Variants in MRPL1 observed in about 807,000 individuals in gnomAD.
The protein encoded by MRPL1 is mitochondrial ribosomal protein L1, also known as large ribosomal subunit protein uL1m.
In MRPL1, 28 loss-of-function variants were observed where a neutral mutation model predicts 38.0. That is an observed-to-expected ratio of 0.74 (90% CI 0.55 to 1.01). The LOEUF (loss-of-function observed/expected upper bound fraction) is 1.01. MRPL1 is among the 50% of genes least tolerant of loss of function. The pLI, the probability that MRPL1 is intolerant of heterozygous loss-of-function variation, is 0.00. For synonymous variants in MRPL1, 123 were observed against 126.7 expected (o/e 0.97, Z 0.20); for missense variants, 358 against 389.8 (o/e 0.92, Z 0.69).
chr4:77,869,931 G>A lies in MRPL1; in HGVS notation c.32-1813G>A, dbSNP rs568202251. ...AGACAGGGTTCCTGTCACCCAGTCT[G>A]GAGTGGAATAGTGAGATCAGAACTC... On this transcript the variant is annotated intron_variant, in intron 1 of 8. Coordinates refer to ENST00000315567, the MANE Select transcript of MRPL1 (RefSeq NM_020236.4). 1.8e-4 allele frequency among the ~76,000 whole-genome samples: 27 copies of A among 152,076 alleles called. 2 individuals are homozygous for A. Among genetic ancestry groups the A allele is most frequent in the South Asian group, 1.7e-3 (8 of 4,812 alleles).
chr4:77,946,662 A>G (rs916174645), intron 7 of MRPL1, among the ~76,000 whole-genome samples: 1 of 152,192 alleles, frequency 6.6e-6, no homozygotes, highest in Non-Finnish European at 1.5e-5. Context: ...TTCCTCTGCC[A>G]TGGCTCCAGC....
intron 7 of MRPL1, among the ~76,000 whole-genome samples, chr4:77,925,903 A>G (rs1736703367): frequency 6.6e-6 from 1 of 152,176 alleles, no homozygotes; most frequent in African/African-American, 2.4e-5. Flanking sequence ...ATTTTTTAAA[A>G]TATCTTGAGA....
intron 2 of MRPL1, among the ~76,000 whole-genome samples, chr4:77,872,635 C>T (rs563178796): frequency 5.9e-5 from 9 of 152,210 alleles, no homozygotes; most frequent in Non-Finnish European, 8.8e-5. Context: ...GAGGCCGAGG[C>T]GGGTGGATCA....
intron 2 of MRPL1, among the ~76,000 whole-genome samples, chr4:77,881,096 G>T (rs952894266): frequency 3.9e-5 from 6 of 152,214 alleles, no homozygotes; most frequent in Non-Finnish European, 7.3e-5. Context: ...CAGGGAAACT[G>T]TCATCTTTGC....
chr4:77,891,813 A>G (rs777554303), intron 5 of MRPL1, among the ~76,000 whole-genome samples: 4 of 152,166 alleles, frequency 2.6e-5, no homozygotes, highest in Non-Finnish European at 5.9e-5. Context: ...AAGACATTTT[A>G]AAATTCTGTA....
At chr4:77,896,218 T>TATAAA (rs1735909525) in intron 6 of MRPL1, among the ~76,000 whole-genome samples, 1 of 151,822 alleles carries the variant, frequency 6.6e-6, no homozygotes, top group Non-Finnish European at 1.5e-5. Context: ...GAACCTTTTT[T>TATAAA]AGTTTTCAAA....
intron 5 of MRPL1, among the ~76,000 whole-genome samples, chr4:77,893,167 G>A (rs1209538612): frequency 6.6e-6 from 1 of 152,106 alleles, no homozygotes; most frequent in Non-Finnish European, 1.5e-5. Flanking sequence ...TTTCTTGCTT[G>A]GGCAGTGGCA....
At chr4:77,887,538 G>A (rs1259599805) in intron 5 of MRPL1, among the ~76,000 whole-genome samples, 1 of 152,090 alleles carries the variant, frequency 6.6e-6, no homozygotes, top group Non-Finnish European at 1.5e-5. Flanking sequence ...GTGTTTGTCT[G>A]TGTTTGAGAC....
At chr4:77,937,202 G>A (rs1482029051) in intron 7 of MRPL1, among the ~76,000 whole-genome samples, 3 of 151,908 alleles carry the variant, frequency 2.0e-5, no homozygotes, top group Admixed American at 6.6e-5. Flanking sequence ...AACTGTGCCC[G>A]GTACTACTTC....
At chr4:77,945,673 C>T (rs893385990) in intron 7 of MRPL1, among the ~76,000 whole-genome samples, 1 of 152,100 alleles carries the variant, frequency 6.6e-6, no homozygotes. Context: ...AATTTTACAG[C>T]TGGGTCTCTG....
chr4:77,879,156 A>G (rs907387611), intron 2 of MRPL1, among the ~76,000 whole-genome samples: 2 of 152,178 alleles, frequency 1.3e-5, no homozygotes, highest in African/African-American at 4.8e-5. Flanking sequence ...ATAGAGCTTT[A>G]TATAATTGCA....
At chr4:77,871,914 G>A in intron 2 of MRPL1, 59 bp downstream of exon 2, 2 of 1,151,236 alleles carry the variant, frequency 1.7e-6, no homozygotes, top group East Asian at 2.5e-5. Flanking sequence ...TTTTTAAAAA[G>A]CATGTTTAGT....
intron 7 of MRPL1, 33 bp downstream of exon 7, chr4:77,909,405 CTTTT>C: frequency 7.8e-7 from 1 of 1,287,842 alleles, no homozygotes; most frequent in Non-Finnish European, 1.1e-6. Flanking sequence ...AAATAATCCT[CTTTT>C]TTTGTTGTTC....
chr4:77,935,504 C>T (rs1381264833), intron 7 of MRPL1, among the ~76,000 whole-genome samples: 3 of 152,034 alleles, frequency 2.0e-5, no homozygotes, highest in Non-Finnish European at 4.4e-5. Context: ...AGCAATTCTC[C>T]TGCCCTCGGC....
At chr4:77,868,440 A>C (rs1735205029) in intron 1 of MRPL1, among the ~76,000 whole-genome samples, 1 of 151,808 alleles carries the variant, frequency 6.6e-6, no homozygotes, top group Non-Finnish European at 1.5e-5. Flanking sequence ...ACGGGGTTTT[A>C]CCATGTTGGC....
At chr4:77,912,903 C>A (rs1736321360) in intron 7 of MRPL1, among the ~76,000 whole-genome samples, 1 of 152,024 alleles carries the variant, frequency 6.6e-6, no homozygotes, top group African/African-American at 2.4e-5. Flanking sequence ...CATATATGGA[C>A]AACTGATTTT....
intron 5 of MRPL1, among the ~76,000 whole-genome samples, chr4:77,892,673 A>G (rs1402672533): frequency 2.6e-5 from 4 of 151,980 alleles, no homozygotes; most frequent in African/African-American, 9.7e-5. Flanking sequence ...GAAAATCTTG[A>G]AATAGAAATC....
Position 77,885,481 on chromosome 4 carries a change from C to T in MRPL1, c.486+142C>T, listed in dbSNP as rs558097994. ...TCCCAGGTTCAAGCGATTCTCCTGC[C>T]TCAGCCTCCCAAGTAGCTGGGACTA... On this transcript the variant is annotated intron_variant, in intron 4 of 8. Coordinates refer to ENST00000315567, the MANE Select transcript of MRPL1 (RefSeq NM_020236.4). 36 of 593,918 alleles carry T rather than the reference C, an allele frequency of 6.1e-5. 1 individual carries two copies. Among genetic ancestry groups the T allele is most frequent in the Admixed American group, 5.7e-4 (21 of 36,636 alleles). The allele number at this position is 593,918 out of a possible 1,614,324, so 36.8% of individuals were successfully genotyped here.
At chr4:77,896,838 T>C (rs1224056962) in intron 6 of MRPL1, among the ~76,000 whole-genome samples, 1 of 152,178 alleles carries the variant, frequency 6.6e-6, no homozygotes, top group African/African-American at 2.4e-5. Context: ...CACATTTGGC[T>C]TGTTTTCTCA....
Sources: allele counts gnomAD v4.1 joint callset (sites outside exome capture counted in the v4.1 genomes callset), GRCh38; gene constraint gnomAD v4.1.1; transcripts MANE v1.5; gene names NCBI Gene and HGNC (gene_info 2026-07-23, HGNC 2026-07-21).